NFE2L1: variants seen among roughly 807,000 people sequenced by gnomAD.
The protein encoded by NFE2L1 is NFE2 like bZIP transcription factor 1, also known as endoplasmic reticulum membrane sensor NFE2L1.
In NFE2L1, 18 loss-of-function variants were observed where a neutral mutation model predicts 61.6. The ratio of observed to expected loss-of-function variants is 0.29; its 90% confidence interval spans 0.20 to 0.43. NFE2L1 has a LOEUF of 0.43. NFE2L1 is among the 20% of genes least tolerant of loss of function. The probability of loss-of-function intolerance (pLI) is 1.00; values close to 1 mark genes in which losing one functional copy is unlikely to be tolerated. For synonymous variants in NFE2L1, 419 were observed against 402.7 expected, an observed-to-expected ratio of 1.04 and a Z score of -0.48; for missense variants, 827 against 973.5, an observed-to-expected ratio of 0.85 and a Z score of 2.00.
At chr17:48,055,012 G>A (rs763381589) in intron 2 of NFE2L1, 148 of 1,513,876 alleles carry the variant, frequency 9.8e-5, no homozygotes, top group Admixed American at 1.8e-4. Context: ...GGCTCATCTC[G>A]CAGACCATGA....
intron 2 of NFE2L1, 72 bp from the exon 3 acceptor site, chr17:48,056,314 G>T (rs2037399856): frequency 1.9e-6 from 3 of 1,575,246 alleles, no homozygotes; most frequent in East Asian, 4.5e-5. Context: ...ACACTAGGAG[G>T]GAACTCTGAG....
At chr17:48,054,526 G>A in intron 2 of NFE2L1, 1 of 1,149,068 alleles carries the variant, frequency 8.7e-7, no homozygotes, top group Admixed American at 4.3e-5. Flanking sequence ...GGAGGGGATT[G>A]GCTCTTTGCG....
rs768564095 is a variant in NFE2L1, at chr17:48,058,822, T to TTCCTCCTCC, written c.1503_1511dup (p.Ser507_Ser509dup). On this transcript the variant is annotated inframe_insertion, in exon 6 of 6. Coordinates refer to ENST00000362042, the MANE Select transcript of NFE2L1 (RefSeq NM_003204.3). ...GCTCTGAAGGCAGTTCTTCCTCTTC[T>TTCCTCCTCC]TCCTCCTCCTCTTCCTCTTCTTCCT... The TTCCTCCTCC allele has an allele frequency of 8.7e-6, 14 of 1,613,910 alleles. No homozygotes were observed. The highest frequency in any genetic ancestry group is 1.2e-5 in the Non-Finnish European group (14 of 1,179,994).
intron 2 of NFE2L1, chr17:48,056,111 T>C (rs1273703655): frequency 2.3e-6 from 1 of 442,032 alleles, no homozygotes; most frequent in African/African-American, 2.0e-5. Context: ...GGGTGTGTCT[T>C]GGTCCAGATC....
At chr17:48,055,100 C>T (rs1286160993) in intron 2 of NFE2L1, 1 of 1,449,108 alleles carries the variant, frequency 6.9e-7, no homozygotes, top group South Asian at 1.4e-5. Flanking sequence ...GCTGGCTGGT[C>T]ACCGGGTGGC....
intron 2 of NFE2L1, chr17:48,055,201 C>T: frequency 1.6e-6 from 2 of 1,287,860 alleles, no homozygotes; most frequent in Non-Finnish European, 2.0e-6. Flanking sequence ...GTCTTAGGGT[C>T]AGGGGGGGTT....
Position 48,058,696 on chromosome 17 carries a change from A to G in NFE2L1, c.1374A>G (p.Glu458=). Residue 458 remains glutamate (E), a synonymous_variant, in exon 6 of 6, where the codon GAA becomes GAG. Coordinates refer to ENST00000362042, the MANE Select transcript of NFE2L1 (RefSeq NM_003204.3). Reference sequence around the variant, plus strand: ...TCAGCCTTATGGACCTGGCCATTGAAGAAGGCTTTAACCCTGTGCAGGCCT... The same window carrying G: ...TCAGCCTTATGGACCTGGCCATTGAGGAAGGCTTTAACCCTGTGCAGGCCT... ...DEISLMDLAI[E]EGFNPVQASQ... is the part of the protein sequence containing the mutation. The G allele has an allele frequency of 6.2e-7, 1 of 1,614,222 alleles. No individual in the cohort carries two copies. The highest frequency in any genetic ancestry group is 8.5e-7 in the Non-Finnish European group (1 of 1,180,038).
chr17:48,052,748 A>G (rs2037286527), intron 2 of NFE2L1, among the ~76,000 whole-genome samples: 1 of 152,176 alleles, frequency 6.6e-6, no homozygotes, highest in Admixed American at 6.5e-5. Flanking sequence ...TGGTTGTCAC[A>G]TCTTGGGGCG....
rs1555575545 is a variant in NFE2L1 at position 48,060,037 on chromosome 17, C to CCT, written c.*397_*398insTC. 2.1e-4 allele frequency: 2 copies of CCT among 9,592 alleles called. No homozygotes were observed. Among genetic ancestry groups the CCT allele is most frequent in the African/African-American group, 9.0e-4 (2 of 2,218 alleles). The allele number at this position is 9,592 out of a possible 1,614,324, so 0.6% of individuals were successfully genotyped here. A position where few individuals can be genotyped will look rare whatever the true frequency, so the allele number is the denominator to read the frequency against. The stretch of plus-strand genomic sequence containing the variant: ...GGGATAGAAGGAAGGAAGGAAGGAA[C>CCT]CCCCCCCCCCCCGAAAAAAAAATCA... On this transcript the variant is annotated 3_prime_UTR_variant, in exon 6 of 6. Transcript: ENST00000362042.
chr17:48,050,053 G>A (rs1366330191), intron 1 of NFE2L1, among the ~76,000 whole-genome samples: 2 of 152,216 alleles, frequency 1.3e-5, no homozygotes, highest in South Asian at 4.1e-4. Context: ...TACATTTTAG[G>A]ATATTGCACA....
In NFE2L1 at chr17:48,057,097, C is replaced by G. The variant is rs1356924734; in HGVS notation, c.789C>G (p.Thr263=). 6.2e-7 allele frequency: 1 copy of G among 1,613,548 alleles called. No homozygotes were observed. Among genetic ancestry groups the G allele is most frequent in the Non-Finnish European group, 8.5e-7 (1 of 1,179,924 alleles). ...AGTGCCTTAGGCTGCTGGAAGCCAC[C>G]TGCCCCTTTGGGGAGAATGCTGAGG... ...LEECLRLLEA[T]CPFGENAEFP... The change falls in exon 4 of 6, where the codon ACC becomes ACG. Residue 263 remains threonine (T), a synonymous_variant. Coordinates refer to ENST00000362042, the MANE Select transcript of NFE2L1 (RefSeq NM_003204.3).
rs764029143 is a variant in NFE2L1 at position 48,056,994 on chromosome 17, GC to G, written c.724-35del. Reference sequence around the variant, plus strand: ...GAAGCTTCAGCCCCAGGCAGCCAAGGCCCAGGTCAATCAGACTTACAGTTCC... The same window carrying G: ...GAAGCTTCAGCCCCAGGCAGCCAAGGCCAGGTCAATCAGACTTACAGTTCC... On this transcript the variant is annotated intron_variant, in intron 3 of 5. Transcript: ENST00000362042. The G allele has an allele frequency of 2.4e-5, 38 of 1,607,202 alleles. No individual in the cohort carries two copies. In the South Asian group the frequency reaches 3.9e-4, roughly 16 times the overall value.
chr17:48,055,119 C>T (rs959420670), intron 2 of NFE2L1: 1 of 1,429,506 alleles, frequency 7.0e-7, no homozygotes, highest in African/African-American at 1.5e-5. Flanking sequence ...GCCCAGCCCG[C>T]CTCTGCTCCT....
rs1336570491 is a variant in NFE2L1, at chr17:48,061,277, G to A, written c.*1636G>A. On this transcript the variant is annotated 3_prime_UTR_variant, in exon 6 of 6. Transcript: ENST00000362042. Reference sequence around the variant, plus strand: ...TGCCCCAGACAAGTGGGAGTGAAATGGGGGTGGGGGGAAGCACTGATTCCC... The same window carrying A: ...TGCCCCAGACAAGTGGGAGTGAAATAGGGGTGGGGGGAAGCACTGATTCCC... 1 of 152,200 alleles carries A rather than the reference G, an allele frequency of 6.6e-6. No individual in the cohort carries two copies. Among genetic ancestry groups the A allele is most frequent in the Non-Finnish European group, 1.5e-5 (1 of 68,038 alleles). The allele number at this position is 152,200 out of a possible 1,614,324, so 9.4% of individuals were successfully genotyped here.
At chr17:48,049,477 C>G (rs1255832036) in intron 1 of NFE2L1, among the ~76,000 whole-genome samples, 6 of 152,162 alleles carry the variant, frequency 3.9e-5, no homozygotes, top group East Asian at 1.9e-4. Context: ...ACCACAACCT[C>G]CGTTTCCTGG....
rs773623987 is a variant in NFE2L1, at chr17:48,056,530, G to A, written c.655G>A (p.Glu219Lys). The A allele has an allele frequency of 6.2e-7, 1 of 1,614,148 alleles. No individual in the cohort carries two copies. Among genetic ancestry groups the A allele is most frequent in the South Asian group, 1.1e-5 (1 of 91,080 alleles). ...AGGCGAGCAGGACACCTGGGCAGGC[G>A]AGGGCGCGGAAGCTCTGGCACGGAA... ...DGGEQDTWAG[E>K]GAEALARNLL... The change falls in exon 3 of 6, where the codon GAG becomes AAG. Residue 219 changes from glutamate to lysine, a missense_variant. This residue lies in a region of NFE2L1 where 667 missense variants were observed against 748.4 expected (regional missense o/e 0.89). Coordinates refer to ENST00000362042, the MANE Select transcript of NFE2L1 (RefSeq NM_003204.3).
rs1598295895 is a variant in NFE2L1 at position 48,059,907 on chromosome 17, A to G, written c.*266A>G. 2.2e-6 allele frequency: 1 copy of G among 454,034 alleles called. No homozygotes were observed. Among genetic ancestry groups the G allele is most frequent in the Non-Finnish European group, 3.9e-6 (1 of 259,480 alleles). The allele number at this position is 454,034 out of a possible 1,614,324, so 28.1% of individuals were successfully genotyped here. A position where few individuals can be genotyped will look rare whatever the true frequency, so the allele number is the denominator to read the frequency against. On this transcript the variant is annotated 3_prime_UTR_variant, in exon 6 of 6. Coordinates refer to ENST00000362042, the MANE Select transcript of NFE2L1 (RefSeq NM_003204.3). This position sits in a 1 kb window ranked among gnomAD's most constrained non-coding sequence, Gnocchi z 6.1. ...TCCTGTGAGGCAGGGGTGGTGGTGGAGTTGCTGGAGGTAGAGGAGCTATGT... is the reference window on the plus strand; with the variant it reads ...TCCTGTGAGGCAGGGGTGGTGGTGGGGTTGCTGGAGGTAGAGGAGCTATGT...
chr17:48,051,253 G>C lies in NFE2L1; in HGVS notation c.135G>C (p.Gly45=), dbSNP rs1381819641. ...CCCCACTCCGGGAGATCATCCTGGG[G>C]CCCAGTTCTGCCTATACTCAGACCC... The part of the protein sequence containing the change: ...QLPPLREIIL[G]PSSAYTQTQF... The change falls in exon 2 of 6, where the codon GGG becomes GGC. Residue 45 remains glycine (G), a synonymous_variant. Transcript: ENST00000362042. 6.2e-7 allele frequency: 1 copy of C among 1,613,986 alleles called. No individual in the cohort carries two copies. The highest frequency in any genetic ancestry group is 2.2e-5 in the East Asian group (1 of 44,898).
chr17:48,055,299 C>A, intron 2 of NFE2L1: 1 of 976,066 alleles, frequency 1.0e-6, no homozygotes, highest in Non-Finnish European at 1.3e-6. Context: ...TGCATTTTAA[C>A]CCCTGGATGG....
Sources: gnomAD v4.1 joint callset for allele counts (sites outside exome capture counted in the v4.1 genomes callset) on GRCh38, gnomAD v4.1.1 for gene constraint, gnomAD v4.1.1 regional missense constraint, Gnocchi (gnomAD v3.1) non-coding constraint, MANE v1.5 for transcripts, NCBI Gene and HGNC (gene_info 2026-07-23, HGNC 2026-07-21) for gene names.